Variants in B3GNT2 observed in about 807,000 individuals in gnomAD.
B3GNT2 encodes the protein UDP-GlcNAc:betaGal beta-1,3-N-acetylglucosaminyltransferase 2, also known as N-acetyllactosaminide beta-1,3-N-acetylglucosaminyltransferase 2.
A neutral mutation model predicts 27.6 loss-of-function variants in B3GNT2; 12 were observed. That is an observed-to-expected ratio of 0.44 (90% CI 0.28 to 0.71). B3GNT2 has a LOEUF of 0.71. B3GNT2 is among the 30% of genes least tolerant of loss of function. The probability of loss-of-function intolerance (pLI) is 0.17; values close to 1 mark genes in which losing one functional copy is unlikely to be tolerated. For synonymous variants in B3GNT2, 192 were observed against 189.7 expected, an observed-to-expected ratio of 1.01 and a Z score of -0.10; for missense variants, 413 against 488.5, an observed-to-expected ratio of 0.85 and a Z score of 1.46.
chr2:62,215,993 C>T (rs577604574), intron 1 of B3GNT2, among the ~76,000 whole-genome samples: 35 of 152,282 alleles, frequency 2.3e-4, no homozygotes, highest in Admixed American at 9.2e-4. Flanking sequence ...CTGGCTTGTA[C>T]GTATTGCTCG....
At chr2:62,198,141 T>G (rs143020132) in intron 1 of B3GNT2, among the ~76,000 whole-genome samples, 193 of 152,344 alleles carry the variant, frequency 1.3e-3, no homozygotes, top group African/African-American at 4.5e-3. Context: ...GTTCACTGTT[T>G]CTCATTTAGT....
intron 1 of B3GNT2, among the ~76,000 whole-genome samples, chr2:62,211,443 C>G (rs1573264772): frequency 6.6e-6 from 1 of 152,008 alleles, no homozygotes; most frequent in African/African-American, 2.4e-5. Flanking sequence ...GAAGACAAAC[C>G]ACTCTTCCCC....
intron 1 of B3GNT2, among the ~76,000 whole-genome samples, chr2:62,221,091 C>T (rs920972013): frequency 2.0e-5 from 3 of 152,200 alleles, no homozygotes; most frequent in Admixed American, 2.0e-4. Context: ...CAGGAAGTTC[C>T]TTCCTATCCT....
chr2:62,205,278 C>CA (rs1329531488), intron 1 of B3GNT2, among the ~76,000 whole-genome samples: 1 of 152,216 alleles, frequency 6.6e-6, no homozygotes, highest in East Asian at 1.9e-4. Flanking sequence ...ACTGTGGCGA[C>CA]AAAAACTTTT....
At chr2:62,206,941 A>G (rs114222398) in intron 1 of B3GNT2, among the ~76,000 whole-genome samples, 228 of 152,334 alleles carry the variant, frequency 1.5e-3, no homozygotes, top group Middle Eastern at 3.4e-3. Flanking sequence ...CATCCTAACT[A>G]CCAAGAAATT....
chr2:62,208,882 T>C (rs1390384214), intron 1 of B3GNT2, among the ~76,000 whole-genome samples: 5 of 152,104 alleles, frequency 3.3e-5, no homozygotes, highest in Non-Finnish European at 7.4e-5. Context: ...CACCGTGTGC[T>C]AAGTCAGATA....
rs1049892630 is a variant in B3GNT2 at position 62,224,251 on chromosome 2, G to A, written c.*837G>A. On this transcript the variant is annotated 3_prime_UTR_variant, in exon 2 of 2. Coordinates refer to ENST00000301998, the MANE Select transcript of B3GNT2 (RefSeq NM_006577.6). ...ATGTATTTTGAACTTGAGTGAAAAG[G>A]TTGAAGTTACAGACTTTTGCATAGA... 1.8e-5 allele frequency: 3 copies of A among 167,080 alleles called. No individual in the cohort carries two copies. Among genetic ancestry groups the A allele is most frequent in the Non-Finnish European group, 4.4e-5 (3 of 68,124 alleles). 10.3% of individuals were successfully genotyped at this position (167,080 alleles called of 1,614,324 possible). A position where few individuals can be genotyped will look rare whatever the true frequency, so the allele number is the denominator to read the frequency against.
intron 1 of B3GNT2, among the ~76,000 whole-genome samples, chr2:62,203,860 G>T (rs1347193917): frequency 1.3e-5 from 2 of 152,106 alleles, no homozygotes; most frequent in African/African-American, 2.4e-5. Flanking sequence ...TTGTAGCTAT[G>T]GCAACCCACT....
chr2:62,222,280 C>A lies in B3GNT2; in HGVS notation c.60C>A (p.Phe20Leu). 6.2e-7 allele frequency: 1 copy of A among 1,613,136 alleles called. No homozygotes were observed. Among genetic ancestry groups the A allele is most frequent in the Admixed American group, 1.7e-5 (1 of 59,780 alleles). The change falls in exon 2 of 2, where the codon TTC (phenylalanine) becomes TTA (leucine). Residue 20 changes from phenylalanine to leucine, a missense_variant. Physicochemically the swap from Phe to Leu is conservative, Grantham distance 22. Coordinates refer to ENST00000301998, the MANE Select transcript of B3GNT2 (RefSeq NM_006577.6). This position sits in a 1 kb window ranked among gnomAD's most constrained non-coding sequence, Gnocchi z 4.2. ...LLGILMMANV[F>L]IYFIMEVSKS... ...GTATCCTGATGATGGCAAATGTCTT[C>A]ATTTATTTTATTATGGAAGTCTCCA...
intron 1 of B3GNT2, among the ~76,000 whole-genome samples, chr2:62,204,472 A>G (rs757079319): frequency 6.6e-6 from 1 of 152,260 alleles, no homozygotes; most frequent in African/African-American, 2.4e-5. Context: ...GGGAAGCCGA[A>G]TGATATTTTC....
In B3GNT2 at chr2:62,223,532, C is replaced by T; in HGVS notation, c.*118C>T. On this transcript the variant is annotated 3_prime_UTR_variant, in exon 2 of 2. Transcript: ENST00000301998. ...TGAAAATTGCCTTTATGAGTGATACCCATTTGAGGGCCTCTAAACCCTTCA... is the reference window on the plus strand; with the variant it reads ...TGAAAATTGCCTTTATGAGTGATACTCATTTGAGGGCCTCTAAACCCTTCA... 1.2e-6 allele frequency: 1 copy of T among 864,826 alleles called. No homozygotes were observed. Among genetic ancestry groups the T allele is most frequent in the Non-Finnish European group, 1.8e-6 (1 of 564,112 alleles). 53.6% of individuals were successfully genotyped at this position (864,826 alleles called of 1,614,324 possible).
In B3GNT2 at chr2:62,222,631, G is replaced by A. The variant is rs202087907; in HGVS notation, c.411G>A (p.Lys137=). The change falls in exon 2 of 2, where the codon AAG becomes AAA. Residue 137 remains lysine (K), a synonymous_variant. Transcript: ENST00000301998. The surrounding 1 kb of genome is among the most constrained non-coding windows in gnomAD (Gnocchi z 4.2). ...NYSLLIDQPD[K]CAKKPFLLLA... ...CACTGCTTATAGATCAGCCGGATAA[G>A]TGTGCAAAGAAACCTTTCTTGTTGC... 9.3e-6 allele frequency: 15 copies of A among 1,614,232 alleles called. No homozygotes were observed. The Admixed American group carries it at 2.3e-4, about 25-fold the overall frequency.
At chr2:62,214,777 G>T (rs1177624960) in intron 1 of B3GNT2, among the ~76,000 whole-genome samples, 1 of 152,186 alleles carries the variant, frequency 6.6e-6, no homozygotes, top group East Asian at 1.9e-4. Context: ...CAGCCAGTAG[G>T]TAGCATAACC....
intron 1 of B3GNT2, among the ~76,000 whole-genome samples, chr2:62,218,936 A>T (rs1260868253): frequency 2.0e-5 from 3 of 152,350 alleles, no homozygotes; most frequent in Non-Finnish European, 4.4e-5. Context: ...TAAAAGGCTG[A>T]ATTGTAGCAG....
chr2:62,222,561 A>G lies in B3GNT2; in HGVS notation c.341A>G (p.Asp114Gly), dbSNP rs749751253. Residue 114 changes from aspartate (D) to glycine (G), a missense_variant, in exon 2 of 2, where the codon GAC (aspartate) becomes GGC (glycine). Transcript: ENST00000301998. The surrounding 1 kb of genome is among the most constrained non-coding windows in gnomAD (Gnocchi z 4.2). ...GTTACGGGTTTTAACAACTTGCCGGACAGATTTAAAGACTTTCTGCTGTAT... is the reference window on the plus strand; with the variant it reads ...GTTACGGGTTTTAACAACTTGCCGGGCAGATTTAAAGACTTTCTGCTGTAT... Reference protein sequence around the residue: ...SVVTGFNNLPDRFKDFLLYLR... With the variant: ...SVVTGFNNLPGRFKDFLLYLR... The G allele has an allele frequency of 4.3e-6, 7 of 1,614,084 alleles. No homozygotes were observed. The highest frequency in any genetic ancestry group is 5.1e-6 in the Non-Finnish European group (6 of 1,180,040).
intron 1 of B3GNT2, among the ~76,000 whole-genome samples, chr2:62,197,795 A>C (rs1397713001): frequency 6.6e-6 from 1 of 152,170 alleles, no homozygotes; most frequent in East Asian, 1.9e-4. Flanking sequence ...TTATAGTCGC[A>C]CCCATGCGGA....
At chr2:62,215,927 T>A (rs1674565320) in intron 1 of B3GNT2, among the ~76,000 whole-genome samples, 2 of 152,146 alleles carry the variant, frequency 1.3e-5, no homozygotes, top group Admixed American at 1.3e-4. Context: ...TTTTCTTTCA[T>A]CCTTAATCTT....
intron 1 of B3GNT2, among the ~76,000 whole-genome samples, chr2:62,203,707 A>G (rs1674314509): frequency 6.6e-6 from 1 of 152,134 alleles, no homozygotes; most frequent in East Asian, 1.9e-4. Context: ...TGGGGGAAAC[A>G]GTGGAGATTG....
intron 1 of B3GNT2, among the ~76,000 whole-genome samples, chr2:62,196,588 C>T (rs574288104): frequency 6.6e-6 from 1 of 152,252 alleles, no homozygotes; most frequent in African/African-American, 2.4e-5. Context: ...TCCCGCCGTC[C>T]CAGCCACCCA....
Sources: allele counts gnomAD v4.1 joint callset (sites outside exome capture counted in the v4.1 genomes callset), GRCh38; gene constraint gnomAD v4.1.1; non-coding constraint Gnocchi (gnomAD v3.1); transcripts MANE v1.5; gene names NCBI Gene and HGNC (gene_info 2026-07-23, HGNC 2026-07-21).